SKAP2: variants seen among roughly 807,000 people sequenced by gnomAD.
The protein encoded by SKAP2 is src kinase-associated phosphoprotein 2.
In SKAP2, 28 loss-of-function variants were observed where a neutral mutation model predicts 54.9. That is an observed-to-expected ratio of 0.51 (90% CI 0.38 to 0.70). SKAP2 has a LOEUF of 0.70. SKAP2 is among the 30% of genes least tolerant of loss of function. The pLI is 0.00. For missense variants in SKAP2, 356 were observed against 424.1 expected, an observed-to-expected ratio of 0.84 and a Z score of 1.41; for synonymous variants, 137 against 134.3, an observed-to-expected ratio of 1.02 and a Z score of -0.14.
intron 9 of SKAP2, among the ~76,000 whole-genome samples, chr7:26,702,400 C>T (rs1787048871): frequency 6.6e-6 from 1 of 152,132 alleles, no homozygotes; most frequent in South Asian, 2.1e-4. Flanking sequence ...CCTCGGCTTC[C>T]CAAAGTGCTT....
At chr7:26,863,060 G>A (rs371426482) in intron 1 of SKAP2, among the ~76,000 whole-genome samples, 2 of 152,094 alleles carry the variant, frequency 1.3e-5, no homozygotes, top group African/African-American at 4.8e-5. Context: ...TTCCCTTAGT[G>A]GTACCCGTTA....
rs553115669 is a variant in SKAP2, at chr7:26,722,137, C to T, written c.796+3291G>A. The stretch of plus-strand genomic sequence containing the variant: ...GGATATTTGAAGAAAAGCCAAATAC[C>T]TTTAATACTCCCCAGAAATGGCATT... On this transcript the variant is annotated intron_variant, in intron 9 of 12. Transcript: ENST00000345317. Among the ~76,000 whole-genome samples the T allele has an allele frequency of 2.8e-3, 426 of 152,170 alleles. 4 individuals are homozygous for T. Among genetic ancestry groups the T allele is most frequent in the African/African-American group, 9.8e-3 (408 of 41,526 alleles).
intron 9 of SKAP2, among the ~76,000 whole-genome samples, chr7:26,696,292 A>C (rs4722628): frequency 0.44 from 67,586 of 152,080 alleles, 16,327 homozygotes; most frequent in East Asian, 0.58. Flanking sequence ...GAATGAATGG[A>C]AGGATAAAGA....
intron 9 of SKAP2, among the ~76,000 whole-genome samples, chr7:26,722,385 A>ATTTTT (rs35643377): frequency 4.6e-4 from 41 of 89,054 alleles, no homozygotes; most frequent in African/African-American, 6.3e-4. Flanking sequence ...ATGCAATGCA[A>ATTTTT]TTTTTTTTTT....
intron 3 of SKAP2, among the ~76,000 whole-genome samples, chr7:26,852,330 A>G (rs535167558): frequency 6.6e-6 from 1 of 152,346 alleles, no homozygotes; most frequent in Middle Eastern, 3.4e-3. Context: ...TACTATGCCT[A>G]ACAAAGTACA....
chr7:26,701,551 G>C (rs762536706), intron 9 of SKAP2, among the ~76,000 whole-genome samples: 2 of 151,910 alleles, frequency 1.3e-5, no homozygotes, highest in Non-Finnish European at 2.9e-5. Flanking sequence ...TGACCAATAT[G>C]GTGAAACCCC....
chr7:26,845,886 T>C (rs1784910598), intron 3 of SKAP2, among the ~76,000 whole-genome samples: 2 of 152,086 alleles, frequency 1.3e-5, no homozygotes, highest in African/African-American at 4.8e-5. Context: ...GAGCTATAAC[T>C]GCACCACTGC....
At chr7:26,755,687 T>A (rs886996721) in intron 4 of SKAP2, among the ~76,000 whole-genome samples, 1 of 152,206 alleles carries the variant, frequency 6.6e-6, no homozygotes, top group Non-Finnish European at 1.5e-5. Context: ...GATTAGTGCC[T>A]GGGACACAGG....
chr7:26,760,682 T>G (rs897148128), intron 4 of SKAP2, among the ~76,000 whole-genome samples: 6 of 152,128 alleles, frequency 3.9e-5, no homozygotes, highest in Non-Finnish European at 8.8e-5. Context: ...TGGACCCTGG[T>G]TGACTGTGGG....
rs760301324 is a variant in SKAP2, at chr7:26,844,175, T to TA, written c.200-39dup. The TA allele has an allele frequency of 5.9e-5, 72 of 1,227,342 alleles. No individual in the cohort carries two copies. In the African/African-American group the frequency reaches 9.4e-4, roughly 16 times the overall value. The allele number at this position is 1,227,342 out of a possible 1,614,324, so 76.0% of individuals were successfully genotyped here. On this transcript the variant is annotated intron_variant, in intron 3 of 12. Transcript: ENST00000345317. ...AAAAAAATCAGAGAACTGCCTTTTATACTTTAGCCATTTAAAGTAATGTTA... is the reference window on the plus strand; with the variant it reads ...AAAAAAATCAGAGAACTGCCTTTTATAACTTTAGCCATTTAAAGTAATGTTA...
chr7:26,662,355 A>T (rs1407070492), downstream of SKAP2, among the ~76,000 whole-genome samples: 3 of 152,142 alleles, frequency 2.0e-5, no homozygotes, highest in Non-Finnish European at 4.4e-5. Context: ...ATAAGGAAAG[A>T]TTCCCAGTTT....
At chr7:26,849,941 A>G (rs1388595890) in intron 3 of SKAP2, among the ~76,000 whole-genome samples, 1 of 152,188 alleles carries the variant, frequency 6.6e-6, no homozygotes. Context: ...ATTTCAGTAC[A>G]TCATTCTATA....
Position 26,720,767 on chromosome 7 carries a change from G to A in SKAP2, c.796+4661C>T, listed in dbSNP as rs577361468. Among the ~76,000 whole-genome samples the A allele has an allele frequency of 6.6e-5, 10 of 152,256 alleles. No homozygotes were observed. In the South Asian group the frequency reaches 1.9e-3, roughly 28 times the overall value. ...GGGTGAGCCCCTTATAAAACCATCAGATCTCATGAGAACTCACTCACTATC... is the reference window on the plus strand; with the variant it reads ...GGGTGAGCCCCTTATAAAACCATCAAATCTCATGAGAACTCACTCACTATC... On this transcript the variant is annotated intron_variant, in intron 9 of 12. Transcript: ENST00000345317.
intron 4 of SKAP2, among the ~76,000 whole-genome samples, chr7:26,757,180 G>A (rs1197957779): frequency 2.0e-5 from 3 of 152,146 alleles, no homozygotes; most frequent in Non-Finnish European, 2.9e-5. Flanking sequence ...AGTTTAATTA[G>A]ATCCCATTTG....
chr7:26,844,159 AG>A, intron 3 of SKAP2, 22 bp from the exon 4 acceptor site: 6 of 1,297,994 alleles, frequency 4.6e-6, no homozygotes, highest in Non-Finnish European at 6.7e-6. Flanking sequence ...AAAAAAAATC[AG>A]AGAACTGCCT....
chr7:26,664,416 T>A (rs1465145102), downstream of SKAP2, among the ~76,000 whole-genome samples: 4 of 152,060 alleles, frequency 2.6e-5, no homozygotes, highest in Non-Finnish European at 5.9e-5. Context: ...CTAAATAGAC[T>A]CCCATGGGAG....
At chr7:26,713,325 T>C (rs1252634815) in intron 9 of SKAP2, among the ~76,000 whole-genome samples, 3 of 152,228 alleles carry the variant, frequency 2.0e-5, no homozygotes, top group African/African-American at 7.2e-5. Context: ...AATCTGTAAC[T>C]ATCTTAATAG....
chr7:26,860,416 C>T (rs192239990), intron 1 of SKAP2, among the ~76,000 whole-genome samples: 112 of 152,128 alleles, frequency 7.4e-4, no homozygotes, highest in Admixed American at 2.0e-3. Flanking sequence ...CTTGGAGGTA[C>T]GATAGATTTC....
intron 6 of SKAP2, among the ~76,000 whole-genome samples, chr7:26,730,335 A>G (rs1787796612): frequency 6.6e-6 from 1 of 152,236 alleles, no homozygotes; most frequent in South Asian, 2.1e-4. Flanking sequence ...ATAAAGCTAT[A>G]AAGTCCATTT....
Sources: allele counts gnomAD v4.1 joint callset (sites outside exome capture counted in the v4.1 genomes callset), GRCh38; gene constraint gnomAD v4.1.1; transcripts MANE v1.5; gene names NCBI Gene and HGNC (gene_info 2026-07-23, HGNC 2026-07-21).